Variants in VWC2 observed in about 807,000 individuals in gnomAD.
VWC2 encodes the protein brorin.
A neutral mutation model predicts 29.8 loss-of-function variants in VWC2; 14 were observed. The ratio of observed to expected loss-of-function variants is 0.47; its 90% CI spans 0.31 to 0.74. The LOEUF (loss-of-function observed/expected upper bound fraction) is 0.74. Ranked by LOEUF, VWC2 falls within the 30% of genes least tolerant of loss-of-function variation. The probability of loss-of-function intolerance (pLI) is 0.05; values close to 1 mark genes in which losing one functional copy is unlikely to be tolerated. For missense variants in VWC2, 457 were observed against 459.8 expected (o/e 0.99, Z 0.05); for synonymous variants, 213 against 199.0 (o/e 1.07, Z -0.59).
chr7:49,878,574 T>C (rs1346326855), intron 3 of VWC2, among the ~76,000 whole-genome samples: 1 of 152,200 alleles, frequency 6.6e-6, no homozygotes, highest in African/African-American at 2.4e-5. Flanking sequence ...GGTCTACTTT[T>C]TGCTCCTTTG....
At chr7:49,813,231 C>G (rs1789054623) in intron 3 of VWC2, among the ~76,000 whole-genome samples, 1 of 152,242 alleles carries the variant, frequency 6.6e-6, no homozygotes, top group Non-Finnish European at 1.5e-5. Context: ...GCCTCCTGCT[C>G]TCCTGCAGGC....
chr7:49,837,251 A>C (rs1016775821), intron 3 of VWC2, among the ~76,000 whole-genome samples: 1 of 152,256 alleles, frequency 6.6e-6, no homozygotes, highest in African/African-American at 2.4e-5. Flanking sequence ...TCAATGAACC[A>C]TGCAAACATT....
intron 2 of VWC2, among the ~76,000 whole-genome samples, chr7:49,795,719 A>T (rs1231701116): frequency 6.6e-6 from 1 of 152,178 alleles, no homozygotes; most frequent in Non-Finnish European, 1.5e-5. Flanking sequence ...TTTGTTTTAG[A>T]TCTTGTGTCT....
intron 3 of VWC2, among the ~76,000 whole-genome samples, chr7:49,855,459 G>C (rs533843407): frequency 2.6e-5 from 4 of 152,294 alleles, no homozygotes; most frequent in Admixed American, 2.6e-4. Context: ...ACTCTCAGCA[G>C]GGAGGAGGAA....
intron 3 of VWC2, among the ~76,000 whole-genome samples, chr7:49,843,691 G>C (rs964075116): frequency 6.6e-6 from 1 of 152,206 alleles, no homozygotes; most frequent in African/African-American, 2.4e-5. Context: ...TTGGGGAGCA[G>C]CAACAGCTGA....
intron 2 of VWC2, among the ~76,000 whole-genome samples, chr7:49,795,144 T>C (rs1788558722): frequency 6.6e-6 from 1 of 152,220 alleles, no homozygotes; most frequent in African/African-American, 2.4e-5. Context: ...GGGTTGTTGA[T>C]ACAATTTGTG....
chr7:49,906,238 T>C (rs1793081093), intron 3 of VWC2, among the ~76,000 whole-genome samples: 1 of 152,084 alleles, frequency 6.6e-6, no homozygotes, highest in South Asian at 2.1e-4. Context: ...TCAGGACCCC[T>C]TTCTAGTAAC....
chr7:49,857,838 A>G (rs1202872330), intron 3 of VWC2, among the ~76,000 whole-genome samples: 2 of 152,272 alleles, frequency 1.3e-5, no homozygotes, highest in African/African-American at 2.4e-5. Context: ...CAATTTCTTT[A>G]CCTTCTTTGC....
In VWC2 at chr7:49,864,258, A is replaced by C. The variant is rs147381372; in HGVS notation, c.827-47776A>C. Among the ~76,000 whole-genome samples the C allele has an allele frequency of 4.0e-3, 605 of 151,862 alleles. 7 individuals carry two copies. The highest frequency in any genetic ancestry group is 0.014 in the African/African-American group (565 of 41,108). ...GGAAAGAGAGGAAGACAGAGAAAGA[A>C]GACAAAGAAGGAGGGAGGAGAAGAT... On this transcript the variant is annotated intron_variant, in intron 3 of 3. Transcript: ENST00000340652.
chr7:49,870,815 T>C (rs1032440304), intron 3 of VWC2, among the ~76,000 whole-genome samples: 1 of 152,232 alleles, frequency 6.6e-6, no homozygotes, highest in African/African-American at 2.4e-5. Context: ...ATAGACTGTG[T>C]ACCTCATTTA....
chr7:49,836,590 G>A (rs1213842237), intron 3 of VWC2, among the ~76,000 whole-genome samples: 1 of 151,450 alleles, frequency 6.6e-6, no homozygotes, highest in Non-Finnish European at 1.5e-5. Flanking sequence ...AATGAGCTGA[G>A]ATCTCCCCAC....
chr7:49,915,229 T>A lies in VWC2; in HGVS notation c.*3044T>A, dbSNP rs991604543. The stretch of plus-strand genomic sequence containing the variant: ...ATTTCATCCCTGCATGCAAGAAGTA[T>A]TAGATGCACTCCAGTCCAGGCAAGT... On this transcript the variant is annotated 3_prime_UTR_variant, in exon 4 of 4. Transcript: ENST00000340652. The A allele has an allele frequency of 6.6e-6, 1 of 152,186 alleles. No homozygotes were observed. Among genetic ancestry groups the A allele is most frequent in the Non-Finnish European group, 1.5e-5 (1 of 68,020 alleles). The allele number at this position is 152,186 out of a possible 1,614,324, so 9.4% of individuals were successfully genotyped here.
intron 3 of VWC2, among the ~76,000 whole-genome samples, chr7:49,864,283 T>C (rs988076954): frequency 6.6e-6 from 1 of 152,146 alleles, no homozygotes; most frequent in Admixed American, 6.6e-5. Context: ...GAGGAGAAGA[T>C]AGGAGAACCT....
chr7:49,807,512 T>C (rs1249503095), intron 3 of VWC2, among the ~76,000 whole-genome samples: 1 of 152,168 alleles, frequency 6.6e-6, no homozygotes, highest in African/African-American at 2.4e-5. Flanking sequence ...TAACCTGACA[T>C]CACAGGACAG....
chr7:49,785,113 A>T (rs1247196298), intron 2 of VWC2, among the ~76,000 whole-genome samples: 2 of 152,242 alleles, frequency 1.3e-5, no homozygotes, highest in East Asian at 1.9e-4. Flanking sequence ...GTTTAAGTGA[A>T]TGATACATTT....
chr7:49,889,761 T>G (rs1401354916), intron 3 of VWC2, among the ~76,000 whole-genome samples: 1 of 152,162 alleles, frequency 6.6e-6, no homozygotes. Flanking sequence ...CAAACCTGAT[T>G]AACATATTTT....
At chr7:49,828,468 A>G (rs1272905558) in intron 3 of VWC2, among the ~76,000 whole-genome samples, 1 of 152,104 alleles carries the variant, frequency 6.6e-6, no homozygotes, top group African/African-American at 2.4e-5. Flanking sequence ...GGTTTGTACT[A>G]TTTTACACTC....
intron 2 of VWC2, among the ~76,000 whole-genome samples, chr7:49,776,777 C>T (rs752008519): frequency 3.9e-5 from 6 of 152,062 alleles, no homozygotes; most frequent in Non-Finnish European, 8.8e-5. Context: ...GTCAGGATCC[C>T]GCTGGTTTTC....
chr7:49,802,145 C>T (rs551841731), intron 2 of VWC2, among the ~76,000 whole-genome samples: 1 of 152,298 alleles, frequency 6.6e-6, no homozygotes, highest in South Asian at 2.1e-4. Context: ...ACCCAATATG[C>T]AGACCACAAA....
Sources: allele counts gnomAD v4.1 joint callset (sites outside exome capture counted in the v4.1 genomes callset), GRCh38; gene constraint gnomAD v4.1.1; transcripts MANE v1.5; gene names NCBI Gene and HGNC (gene_info 2026-07-23, HGNC 2026-07-21).